The following GRTP1 variants were observed in gnomAD, a reference collection of about 807,000 sequenced individuals.
GRTP1 encodes growth hormone regulated TBC protein 1.
In GRTP1, 56 loss-of-function variants were observed where a neutral mutation model predicts 38.1. That is an observed-to-expected ratio of 1.47 (90% CI 1.19 to 1.84). GRTP1 has a LOEUF of 1.84. GRTP1 is among the 40% of genes most tolerant of loss of function. The probability of loss-of-function intolerance (pLI) is 0.00; values close to 1 mark genes in which losing one functional copy is unlikely to be tolerated. For missense variants in GRTP1, 506 were observed against 453.9 expected (o/e 1.11, Z -1.04); for synonymous variants, 217 against 189.5 (o/e 1.14, Z -1.19).
intron 2 of GRTP1, 28 bp downstream of exon 2, chr13:113,363,734 G>GGGACCCACCTGCGCCCTCC (rs749417440): frequency 1.3e-6 from 2 of 1,589,094 alleles, no homozygotes; most frequent in Non-Finnish European, 1.7e-6. Context: ...CTGCGCCCTC[G>GGGACCCACCTGCGCCCTCC]GGACCCACCT....
rs1296912005 is a variant in GRTP1, at chr13:113,342,020, A to G, written c.562+2843T>C. Among the ~76,000 whole-genome samples the G allele has an allele frequency of 6.6e-6, 1 of 151,704 alleles. No homozygotes were observed. Among genetic ancestry groups the G allele is most frequent in the Non-Finnish European group, 1.5e-5 (1 of 67,912 alleles). ...GGAGTGTAGTGGTGTGATCTAGCTCACTGCAACCTCAGCCTCCCTCAAGCT... is the reference window on the plus strand; with the variant it reads ...GGAGTGTAGTGGTGTGATCTAGCTCGCTGCAACCTCAGCCTCCCTCAAGCT... On this transcript the variant is annotated intron_variant, in intron 5 of 7. Coordinates refer to ENST00000375431, the MANE Select transcript of GRTP1 (RefSeq NM_024719.4). The surrounding 1 kb of genome is among the most constrained non-coding windows in gnomAD (Gnocchi z 4.5).
intron 5 of GRTP1, among the ~76,000 whole-genome samples, chr13:113,341,528 A>C (rs1248098753): frequency 1.3e-5 from 2 of 152,002 alleles, no homozygotes; most frequent in Non-Finnish European, 2.9e-5. Flanking sequence ...CAGCCTCCCA[A>C]AGTGCTGGGA....
Position 113,325,808 on chromosome 13 carries a change from G to T in GRTP1, c.774C>A (p.Gly258=), listed in dbSNP as rs199840231. ...LRIWDCLFNE[G]SKIIFRVALT... ...GGGCCACCCGGAAGATAATCTTCGA[G>T]CCTTCGTTAAACAAACAGTCCCAGA... is the stretch of plus-strand genomic sequence containing the variant. The change falls in exon 7 of 8, where the codon GGC becomes GGA. Residue 258 remains glycine (G), a synonymous_variant. Coordinates refer to ENST00000375431, the MANE Select transcript of GRTP1 (RefSeq NM_024719.4). The T allele has an allele frequency of 6.2e-7, 1 of 1,614,058 alleles. No homozygotes were observed. Among genetic ancestry groups the T allele is most frequent in the Non-Finnish European group, 8.5e-7 (1 of 1,179,996 alleles).
intron 5 of GRTP1, among the ~76,000 whole-genome samples, chr13:113,333,828 T>G (rs2042911023): frequency 1.8e-5 from 2 of 111,144 alleles, no homozygotes; most frequent in African/African-American, 3.6e-5. Flanking sequence ...ATTTATTTAT[T>G]TATTTATTTA....
chr13:113,351,687 C>T (rs2043269584), intron 3 of GRTP1: 1 of 152,494 alleles, frequency 6.6e-6, no homozygotes, highest in African/African-American at 2.4e-5. Context: ...GACCAAGTGC[C>T]AGGCCTCACT....
chr13:113,343,872 G>A lies in GRTP1; in HGVS notation c.562+991C>T, dbSNP rs1171036686. On this transcript the variant is annotated intron_variant, in intron 5 of 7. Transcript: ENST00000375431. This position sits in a 1 kb window ranked among gnomAD's most constrained non-coding sequence, Gnocchi z 4.8. ...ACCACAGCCAGGCTGGGGAAGGGCA[G>A]AGTGGTCTCAGCCCCAGGCCCTGCC... 6.6e-6 allele frequency among the ~76,000 whole-genome samples: 1 copy of A among 152,174 alleles called. No homozygotes were observed. Among genetic ancestry groups the A allele is most frequent in the African/African-American group, 2.4e-5 (1 of 41,442 alleles).
In GRTP1 at chr13:113,343,133, G is replaced by A. The variant is rs1174343237; in HGVS notation, c.562+1730C>T. 1.3e-5 allele frequency among the ~76,000 whole-genome samples: 2 copies of A among 152,204 alleles called. No homozygotes were observed. The highest frequency in any genetic ancestry group is 2.4e-5 in the African/African-American group (1 of 41,438). On this transcript the variant is annotated intron_variant, in intron 5 of 7. Coordinates refer to ENST00000375431, the MANE Select transcript of GRTP1 (RefSeq NM_024719.4). The surrounding 1 kb of genome is among the most constrained non-coding windows in gnomAD (Gnocchi z 4.8). ...AAAGAACTGCATGGCCCACGGCTGT[G>A]AAGATTCGCCATGATTTGCACTCAG...
chr13:113,350,884 A>G lies in GRTP1; in HGVS notation c.430T>C (p.Tyr144His). ...QRTLYNVLLA[Y>H]GHHNQGVGYC... is the part of the protein sequence containing the mutation. ...CCCACTCCCTGGTTATGGTGCCCAT[A>G]TGCCAGCAGCACATTGTACAGGGTC... Residue 144 changes from tyrosine to histidine, a missense_variant, in exon 4 of 8, where the codon TAT becomes CAT. Tyr to His is a moderately conservative substitution (Grantham distance 83, BLOSUM62 2). Coordinates refer to ENST00000375431, the MANE Select transcript of GRTP1 (RefSeq NM_024719.4). The G allele has an allele frequency of 6.3e-7, 1 of 1,593,894 alleles. No homozygotes were observed. Among genetic ancestry groups the G allele is most frequent in the South Asian group, 1.1e-5 (1 of 90,062 alleles).
At chr13:113,333,533 C>G (rs2042906030) in intron 5 of GRTP1, among the ~76,000 whole-genome samples, 1 of 152,136 alleles carries the variant, frequency 6.6e-6, no homozygotes, top group South Asian at 2.1e-4. Context: ...GAGATAGGGT[C>G]TTGCTCTGTC....
intron 3 of GRTP1, among the ~76,000 whole-genome samples, chr13:113,352,188 G>A (rs2043279538): frequency 6.9e-6 from 1 of 143,950 alleles, no homozygotes; most frequent in African/African-American, 2.6e-5. Context: ...AGAGTGACCA[G>A]CTGTGTTCAT....
intron 4 of GRTP1, among the ~76,000 whole-genome samples, chr13:113,347,569 C>T (rs1216078889): frequency 2.5e-4 from 16 of 64,522 alleles, no homozygotes; most frequent in Admixed American, 4.0e-4. Context: ...AGAGAGCAGA[C>T]CCAGGAGGAC....
At chr13:113,328,219 C>T (rs74115839) in intron 5 of GRTP1, among the ~76,000 whole-genome samples, 242 of 152,322 alleles carry the variant, frequency 1.6e-3, no homozygotes, top group African/African-American at 5.7e-3. Flanking sequence ...CTGCAAACCA[C>T]CCAACACTGT....
At chr13:113,351,077 C>A (rs1039319117) in intron 3 of GRTP1, 104 bp from the exon 4 acceptor site, 3 of 1,482,984 alleles carry the variant, frequency 2.0e-6, no homozygotes, top group African/African-American at 1.4e-5. Flanking sequence ...TTGGGACTTA[C>A]GGACTGGTTT....
In GRTP1 at chr13:113,324,453, A is replaced by T; in HGVS notation, c.*35T>A. On this transcript the variant is annotated 3_prime_UTR_variant, in exon 8 of 8. Transcript: ENST00000375431. ...GTCAACTCTGGAAAGGGGCATCGTC[A>T]GTGTAGAGACGAGCAACGCAGGGGA... is the stretch of plus-strand genomic sequence containing the variant. 1 of 1,535,908 alleles carries T rather than the reference A, an allele frequency of 6.5e-7. No homozygotes were observed. The highest frequency in any genetic ancestry group is 8.8e-7 in the Non-Finnish European group (1 of 1,140,184).
chr13:113,363,790 C>G lies in GRTP1; in HGVS notation c.153G>C (p.Gln51His), dbSNP rs1341479617. ...TCCGGCTCCTGGGGACGCCCCCGCC[C>G]TGCAGCAGCCGGGACCATTTGATCG... ...RRAIKWSRLL[Q>H]GGGVPRSRTV... The change falls in exon 2 of 8, where the codon CAG (glutamine) becomes CAC (histidine). Residue 51 changes from glutamine (Q) to histidine (H), a missense_variant. Coordinates refer to ENST00000375431, the MANE Select transcript of GRTP1 (RefSeq NM_024719.4). The G allele has an allele frequency of 6.2e-7, 1 of 1,609,406 alleles. No homozygotes were observed. Among genetic ancestry groups the G allele is most frequent in the Non-Finnish European group, 8.5e-7 (1 of 1,178,878 alleles).
In GRTP1 at chr13:113,348,885, G is replaced by A. The variant is rs868043818; in HGVS notation, c.465+1964C>T. On this transcript the variant is annotated intron_variant, in intron 4 of 7. Coordinates refer to ENST00000375431, the MANE Select transcript of GRTP1 (RefSeq NM_024719.4). This position sits in a 1 kb window ranked among gnomAD's most constrained non-coding sequence, Gnocchi z 4.8. ...AGCTTCCAGAGCTGAGAGAGAATTC[G>A]TTTCCACTGTTTACCAGGCTGTGGC... Among the ~76,000 whole-genome samples, 4 of 152,266 alleles carry A rather than the reference G, an allele frequency of 2.6e-5. No homozygotes were observed. The highest frequency in any genetic ancestry group is 1.9e-4 in the East Asian group (1 of 5,172).
At chr13:113,328,676 C>T (rs139511448) in intron 5 of GRTP1, among the ~76,000 whole-genome samples, 9 of 152,334 alleles carry the variant, frequency 5.9e-5, no homozygotes, top group Non-Finnish European at 1.0e-4. Flanking sequence ...TGCACCACCA[C>T]ACCCAGCTAA....
At chr13:113,326,882 C>A (rs761376541) in intron 5 of GRTP1, among the ~76,000 whole-genome samples, 1 of 152,084 alleles carries the variant, frequency 6.6e-6, no homozygotes, top group Non-Finnish European at 1.5e-5. Context: ...GCCACAGCAG[C>A]GGGAGGGAGG....
chr13:113,352,362 A>ATATATATATATTTTTATATATATTT (rs1566438084), intron 3 of GRTP1, among the ~76,000 whole-genome samples: 1 of 80,850 alleles, frequency 1.2e-5, no homozygotes, highest in Non-Finnish European at 2.2e-5. Context: ...TATATATTTT[A>ATATATATATATTTTTATATATATTT]TATATATATA....
Sources: gnomAD v4.1 joint callset for allele counts (sites outside exome capture counted in the v4.1 genomes callset) on GRCh38, gnomAD v4.1.1 for gene constraint, Gnocchi (gnomAD v3.1) non-coding constraint, MANE v1.5 for transcripts, NCBI Gene and HGNC (gene_info 2026-07-23, HGNC 2026-07-21) for gene names.